The following IL1RAPL1 variants were observed in gnomAD, a reference collection of about 807,000 sequenced individuals.
IL1RAPL1 encodes interleukin 1 receptor accessory protein like 1, also known as interleukin-1 receptor accessory protein-like 1.
A neutral mutation model predicts 48.4 loss-of-function variants in IL1RAPL1; 3 were observed. The observed-to-expected ratio is 0.06, with a 90% CI of 0.03 to 0.16. The LOEUF (loss-of-function observed/expected upper bound fraction) is 0.16. IL1RAPL1 is among the 10% of genes least tolerant of loss of function. The probability of loss-of-function intolerance (pLI) is 1.00; values close to 1 mark genes in which losing one functional copy is unlikely to be tolerated. For synonymous variants in IL1RAPL1, 185 were observed against 187.7 expected (o/e 0.99, Z 0.12); for missense variants, 349 against 530.6 (o/e 0.66, Z 3.36).
chrX:29,786,489 C>G (rs1929502701), intron 6 of IL1RAPL1, among the ~76,000 whole-genome samples: 1 of 111,691 alleles, frequency 9.0e-6, no homozygotes, highest in Non-Finnish European at 1.9e-5. Flanking sequence ...TCTGTTGGAG[C>G]TTGAAGGCTA....
At chrX:29,436,891 T>A (rs1186525418) in intron 5 of IL1RAPL1, among the ~76,000 whole-genome samples, 1 of 110,731 alleles carries the variant, frequency 9.0e-6, no homozygotes. Flanking sequence ...TACATGTGTG[T>A]GTGTTACAAT....
chrX:29,400,966 A>G (rs894229975), intron 5 of IL1RAPL1, among the ~76,000 whole-genome samples: 2 of 111,770 alleles, frequency 1.8e-5, no homozygotes, highest in Non-Finnish European at 3.8e-5. Context: ...TAGAAATGCT[A>G]GGATTCTAAA....
intron 6 of IL1RAPL1, among the ~76,000 whole-genome samples, chrX:29,776,230 T>C (rs749039796): frequency 9.0e-6 from 1 of 111,624 alleles, no homozygotes. Context: ...CCACTTTCCC[T>C]GTATTCTTGC....
At chrX:28,666,231 G>A (rs1934878165) in intron 1 of IL1RAPL1, among the ~76,000 whole-genome samples, 1 of 111,989 alleles carries the variant, frequency 8.9e-6, no homozygotes, top group Non-Finnish European at 1.9e-5. Context: ...TCTGTAAAAT[G>A]ACATCCAAAT....
intron 1 of IL1RAPL1, among the ~76,000 whole-genome samples, chrX:28,636,739 G>A (rs912805496): frequency 1.8e-5 from 2 of 111,370 alleles, no homozygotes; most frequent in South Asian, 7.5e-4. Context: ...GGGATTGTCT[G>A]GGGTCAAAAT....
chrX:29,938,188 A>G (rs1933064368), intron 8 of IL1RAPL1, among the ~76,000 whole-genome samples: 1 of 111,996 alleles, frequency 8.9e-6, no homozygotes, highest in South Asian at 3.7e-4. Context: ...TAAAAATAAG[A>G]AGGACTTATT....
intron 5 of IL1RAPL1, among the ~76,000 whole-genome samples, chrX:29,417,411 C>G (rs188077208): frequency 1.8e-5 from 2 of 111,337 alleles, no homozygotes; most frequent in Non-Finnish European, 1.9e-5. Flanking sequence ...TCTGGAGGAC[C>G]TAAAAATCCA....
intron 6 of IL1RAPL1, among the ~76,000 whole-genome samples, chrX:29,891,026 C>G (rs1414319324): frequency 2.7e-5 from 3 of 111,792 alleles, no homozygotes; most frequent in Non-Finnish European, 3.8e-5. Flanking sequence ...TAATACACGG[C>G]AAGGCTTGCT....
At chrX:28,671,748 T>C (rs1014585435) in intron 1 of IL1RAPL1, among the ~76,000 whole-genome samples, 6 of 112,366 alleles carry the variant, frequency 5.3e-5, no homozygotes, top group Non-Finnish European at 9.4e-5. Context: ...TTGAAGTTAC[T>C]GAACTGTTTT....
intron 5 of IL1RAPL1, among the ~76,000 whole-genome samples, chrX:29,429,649 C>G (rs1934391456): frequency 9.0e-6 from 1 of 110,611 alleles, no homozygotes; most frequent in East Asian, 2.9e-4. Flanking sequence ...AAATAAACTC[C>G]TATTCTCTTC....
intron 2 of IL1RAPL1, among the ~76,000 whole-genome samples, chrX:28,916,850 G>T (rs1923500465): frequency 8.9e-6 from 1 of 112,196 alleles, no homozygotes; most frequent in Admixed American, 9.5e-5. Flanking sequence ...GTGCTGCTCT[G>T]TTTTTTAAAA....
At chrX:29,341,651 G>A (rs982913841) in intron 3 of IL1RAPL1, among the ~76,000 whole-genome samples, 2 of 111,487 alleles carry the variant, frequency 1.8e-5, no homozygotes, top group East Asian at 2.8e-4. Flanking sequence ...TTTCTATTAC[G>A]TGAGGAAGGT....
chrX:29,684,001 G>A (rs947080619), intron 6 of IL1RAPL1, among the ~76,000 whole-genome samples: 4 of 111,923 alleles, frequency 3.6e-5, no homozygotes, highest in Non-Finnish European at 7.5e-5. Context: ...CTTAAAGAGT[G>A]TAATTGGATT....
At chrX:28,995,611 T>G (rs1387082663) in intron 2 of IL1RAPL1, among the ~76,000 whole-genome samples, 1 of 111,499 alleles carries the variant, frequency 9.0e-6, no homozygotes, top group African/African-American at 3.3e-5. Context: ...TTCCCAGTCA[T>G]TAGCATAAGG....
At chrX:29,399,937 T>A (rs1364144359) in intron 5 of IL1RAPL1, among the ~76,000 whole-genome samples, 1 of 112,349 alleles carries the variant, frequency 8.9e-6, no homozygotes, top group Non-Finnish European at 1.9e-5. Context: ...AAACATTTCC[T>A]AGAGTGGCTA....
At chrX:29,214,987 A>G (rs2147544974) in intron 2 of IL1RAPL1, among the ~76,000 whole-genome samples, 1 of 111,763 alleles carries the variant, frequency 8.9e-6, no homozygotes, top group South Asian at 3.6e-4. Context: ...TGCCATTTAA[A>G]CTATATATTA....
At chrX:29,398,228 A>G (rs1029968127) in intron 4 of IL1RAPL1, among the ~76,000 whole-genome samples, 1 of 112,248 alleles carries the variant, frequency 8.9e-6, no homozygotes, top group Non-Finnish European at 1.9e-5. Context: ...TACAGTGTAT[A>G]TTTTGGTCAG....
At chrX:29,630,427 G>A (rs1034151217) in intron 5 of IL1RAPL1, among the ~76,000 whole-genome samples, 2 of 111,781 alleles carry the variant, frequency 1.8e-5, no homozygotes, top group Non-Finnish European at 3.8e-5. Context: ...CTTCGTTGCT[G>A]TAGATATCTA....
In IL1RAPL1 at chrX:29,396,311, A is replaced by G; in HGVS notation, c.416A>G (p.Asp139Gly). Residue 139 changes from aspartate (D) to glycine (G), a missense_variant, in exon 4 of 11, where the codon GAC becomes GGC. Physicochemically the swap from Asp to Gly is moderately conservative, Grantham distance 94. Around this residue, in one of 3 missense-constraint regions of IL1RAPL1, gnomAD observed 238 missense variants for 337.8 expected, o/e 0.70. Transcript: ENST00000378993. ...ATCTCACTGACAGTGGGTGAAAATG[A>G]CACTGGACTCTGCTATAATTCCAAG... ...VSISLTVGEN[D>G]TGLCYNSKMK... 8.3e-7 allele frequency: 1 copy of G among 1,207,142 alleles called. No homozygotes were observed. Among genetic ancestry groups the G allele is most frequent in the Non-Finnish European group, 1.1e-6 (1 of 891,068 alleles).
Sources: gnomAD v4.1 joint callset for allele counts (sites outside exome capture counted in the v4.1 genomes callset) on GRCh38, gnomAD v4.1.1 for gene constraint, gnomAD v4.1.1 regional missense constraint, MANE v1.5 for transcripts, NCBI Gene and HGNC (gene_info 2026-07-23, HGNC 2026-07-21) for gene names.